The following DGKI variants were observed in gnomAD, a reference collection of about 807,000 sequenced individuals.
DGKI encodes the protein DAG kinase iota.
In DGKI, 55 loss-of-function variants were observed where a neutral mutation model predicts 147.5. The observed-to-expected ratio is 0.37, with a 90% CI of 0.30 to 0.47. DGKI has a LOEUF of 0.47. Ranked by LOEUF, DGKI falls within the 20% of genes least tolerant of loss-of-function variation. The probability of loss-of-function intolerance (pLI) is 1.00; values close to 1 mark genes in which losing one functional copy is unlikely to be tolerated. For missense variants in DGKI, 1,007 were observed against 1,323.8 expected (o/e 0.76, Z 3.71); for synonymous variants, 469 against 477.1 (o/e 0.98, Z 0.22).
chr7:137,469,985 G>T (rs980585232), intron 23 of DGKI, among the ~76,000 whole-genome samples: 2 of 152,108 alleles, frequency 1.3e-5, no homozygotes, highest in Non-Finnish European at 2.9e-5. Context: ...GGTCTAAGGC[G>T]CTGGCACAGA....
At chr7:137,427,784 T>A in intron 28 of DGKI, among the ~76,000 whole-genome samples, 1 of 152,128 alleles carries the variant, frequency 6.6e-6, no homozygotes, top group East Asian at 1.9e-4. Flanking sequence ...TCTACGCAAA[T>A]CAACTAGAAT....
intron 1 of DGKI, among the ~76,000 whole-genome samples, chr7:137,735,732 A>G (rs976352479): frequency 1.3e-5 from 2 of 152,120 alleles, no homozygotes; most frequent in African/African-American, 2.4e-5. Context: ...GAAAGGAAGC[A>G]AAACCTCAAC....
chr7:137,791,710 T>A (rs1398107375), intron 1 of DGKI, among the ~76,000 whole-genome samples: 1 of 152,224 alleles, frequency 6.6e-6, no homozygotes, highest in African/African-American at 2.4e-5. Context: ...TTAATTCCAT[T>A]CCCTAACTCA....
At position 137,470,072 on chromosome 7, in the gene DGKI, A is replaced by G. The variant is rs192177449; in HGVS notation, c.2374-453T>C. The stretch of plus-strand genomic sequence containing the variant: ...GAGAAAAAGCAGCAGCCATCCATAC[A>G]CAGGGACTGTTCATCTACATGGAAA... On this transcript the variant is annotated intron_variant, in intron 23 of 32. Transcript: ENST00000614521. Among the ~76,000 whole-genome samples the G allele has an allele frequency of 3.4e-3, 520 of 152,288 alleles. 2 individuals carry two copies. The highest frequency in any genetic ancestry group is 0.012 in the African/African-American group (501 of 41,554).
intron 15 of DGKI, among the ~76,000 whole-genome samples, chr7:137,581,201 T>TC (rs1360460998): frequency 3.9e-5 from 6 of 152,172 alleles, no homozygotes; most frequent in African/African-American, 1.4e-4. Context: ...AAAATTCTGT[T>TC]CCCCTAATCT....
intron 12 of DGKI, among the ~76,000 whole-genome samples, chr7:137,594,807 T>G (rs919795027): frequency 1.3e-5 from 2 of 152,308 alleles, no homozygotes; most frequent in Non-Finnish European, 2.9e-5. Context: ...TGACAAACAT[T>G]TCATATACCC....
chr7:137,512,845 GT>G (rs1359652200), intron 21 of DGKI, among the ~76,000 whole-genome samples: 1 of 152,104 alleles, frequency 6.6e-6, no homozygotes, highest in Non-Finnish European at 1.5e-5. Context: ...TGGCAAAAAA[GT>G]TTATATTAAT....
chr7:137,806,623 T>C (rs999507211), intron 1 of DGKI, among the ~76,000 whole-genome samples: 1 of 152,150 alleles, frequency 6.6e-6, no homozygotes, highest in South Asian at 2.1e-4. Context: ...TTAATAGAGA[T>C]GGGGTTTCAC....
intron 12 of DGKI, among the ~76,000 whole-genome samples, chr7:137,596,291 T>A (rs1273887286): frequency 6.6e-6 from 1 of 152,156 alleles, no homozygotes; most frequent in Non-Finnish European, 1.5e-5. Flanking sequence ...TGAAGTCATA[T>A]GAGAAGGCAA....
At chr7:137,524,968 A>C (rs921477024) in intron 20 of DGKI, among the ~76,000 whole-genome samples, 3 of 152,070 alleles carry the variant, frequency 2.0e-5, no homozygotes, top group Non-Finnish European at 4.4e-5. Flanking sequence ...AAACCCATAA[A>C]GTGGCTGCTC....
chr7:137,483,625 T>C (rs1027569564), intron 23 of DGKI, among the ~76,000 whole-genome samples: 8 of 152,042 alleles, frequency 5.3e-5, no homozygotes, highest in African/African-American at 1.9e-4. Flanking sequence ...GGCCCTAGTG[T>C]GTGTTGTTCC....
intron 1 of DGKI, among the ~76,000 whole-genome samples, chr7:137,710,518 G>A (rs1218407407): frequency 6.6e-6 from 1 of 152,052 alleles, no homozygotes; most frequent in Non-Finnish European, 1.5e-5. Flanking sequence ...ACAGAATAAT[G>A]AGAAAAGATA....
intron 1 of DGKI, among the ~76,000 whole-genome samples, chr7:137,842,766 T>C (rs1044348231): frequency 4.6e-5 from 7 of 152,162 alleles, no homozygotes; most frequent in African/African-American, 1.7e-4. Flanking sequence ...TTTATATTCA[T>C]TTATATTTCT....
chr7:137,587,268 A>T, intron 12 of DGKI, 58 bp from the exon 13 acceptor site: 1 of 1,379,886 alleles, frequency 7.2e-7, no homozygotes, highest in Non-Finnish European at 9.8e-7. Context: ...TTACAAAGAA[A>T]ACAGTTTGAG....
At chr7:137,534,423 T>C (rs534813827) in intron 20 of DGKI, among the ~76,000 whole-genome samples, 2 of 152,252 alleles carry the variant, frequency 1.3e-5, no homozygotes, top group South Asian at 4.1e-4. Flanking sequence ...TTCCTTTTCC[T>C]TCCCGTTTAT....
intron 30 of DGKI, 132 bp from the exon 31 acceptor site, chr7:137,397,545 A>T: frequency 1.3e-6 from 1 of 798,994 alleles, no homozygotes; most frequent in Non-Finnish European, 2.0e-6. Context: ...AGACAGAAAG[A>T]AAAATAAAAG....
chr7:137,415,135 G>T (rs1018800782), intron 28 of DGKI, among the ~76,000 whole-genome samples: 8 of 152,068 alleles, frequency 5.3e-5, no homozygotes, highest in African/African-American at 1.9e-4. Flanking sequence ...ATGAGCCAAG[G>T]ATGTGGTGTT....
At chr7:137,517,296 AAAGAAAG>A (rs1212218056) in intron 21 of DGKI, among the ~76,000 whole-genome samples, 3 of 132,888 alleles carry the variant, frequency 2.3e-5, no homozygotes, top group South Asian at 2.7e-4. Context: ...AGAAAGAAAG[AAAGAAAG>A]AAAGAAAGAA....
At chr7:137,656,354 C>T (rs78979821) in intron 4 of DGKI, 112 bp downstream of exon 4, 1 of 1,127,116 alleles carries the variant, frequency 8.9e-7, no homozygotes, top group Non-Finnish European at 1.3e-6. Flanking sequence ...GGACTTCCAG[C>T]TTTTTTTTAA....
Sources: gnomAD v4.1 joint callset for allele counts (sites outside exome capture counted in the v4.1 genomes callset) on GRCh38, gnomAD v4.1.1 for gene constraint, MANE v1.5 for transcripts, NCBI Gene and HGNC (gene_info 2026-07-23, HGNC 2026-07-21) for gene names.